The following JAK2 variants were observed in gnomAD, a reference collection of about 807,000 sequenced individuals.
The protein encoded by JAK2 is Janus kinase 2.
A neutral mutation model predicts 139.3 loss-of-function variants in JAK2; 86 were observed. The observed-to-expected ratio is 0.62, with a 90% CI of 0.52 to 0.74. The LOEUF (loss-of-function observed/expected upper bound fraction) is 0.74, where lower values mean the gene tolerates loss of function less well. Ranked by LOEUF, JAK2 falls within the 30% of genes least tolerant of loss-of-function variation. The pLI, the probability that JAK2 is intolerant of heterozygous loss-of-function variation, is 0.00. For synonymous variants in JAK2, 490 were observed against 437.7 expected, an observed-to-expected ratio of 1.12 and a Z score of -1.49; for missense variants, 1,421 against 1,360.3, an observed-to-expected ratio of 1.04 and a Z score of -0.70.
At chr9:5,058,585 G>A (rs1328361107) in intron 8 of JAK2, among the ~76,000 whole-genome samples, 1 of 152,146 alleles carries the variant, frequency 6.6e-6, no homozygotes, top group African/African-American at 2.4e-5. Flanking sequence ...TAGAATTGCT[G>A]GATCATATGG....
intron 8 of JAK2, among the ~76,000 whole-genome samples, chr9:5,063,880 G>A (rs539298307): frequency 1.3e-5 from 2 of 152,190 alleles, no homozygotes; most frequent in Non-Finnish European, 2.9e-5. Context: ...CAATCAGGCC[G>A]GGCATGGTGA....
intron 22 of JAK2, among the ~76,000 whole-genome samples, chr9:5,092,215 G>C (rs1024685347): frequency 4.6e-5 from 7 of 152,120 alleles, no homozygotes; most frequent in Admixed American, 1.3e-4. Context: ...AAATCTAAGG[G>C]CTCAAGGAGG....
Position 5,066,725 on chromosome 9 carries a change from G to A in JAK2, c.1262G>A (p.Gly421Glu). 6.2e-7 allele frequency: 1 copy of A among 1,609,064 alleles called. No individual in the cohort carries two copies. The highest frequency in any genetic ancestry group is 8.5e-7 in the Non-Finnish European group (1 of 1,177,652). ...SKLKKAGNQT[G>E]LYVLRCSPKD... ...CTGAAGAAAGCAGGTAATCAGACTG[G>A]ACTGTATGTACTTCGATGCAGTCCT... Residue 421 changes from glycine (G) to glutamate (E), a missense_variant, in exon 10 of 25, where the codon GGA becomes GAA. Gly to Glu is a moderately conservative substitution (Grantham distance 98, BLOSUM62 -2). Transcript: ENST00000381652.
intron 5 of JAK2, among the ~76,000 whole-genome samples, 170 bp downstream of exon 5, chr9:5,044,690 C>T (rs117661568): frequency 4.6e-3 from 700 of 152,166 alleles, no homozygotes; most frequent in Non-Finnish European, 7.6e-3. Context: ...TTTTTAATCC[C>T]ATGGTTTATG....
intron 19 of JAK2, chr9:5,085,175 A>C (rs1373532687): frequency 1.5e-6 from 1 of 654,038 alleles, no homozygotes; most frequent in Non-Finnish European, 3.0e-6. Context: ...TCTCCCGGCA[A>C]ACTGAACCAT....
chr9:5,051,092 A>G (rs145162472), intron 6 of JAK2, among the ~76,000 whole-genome samples: 2 of 152,320 alleles, frequency 1.3e-5, no homozygotes, highest in African/African-American at 4.8e-5. Context: ...TTGACGTTCA[A>G]AAAGTTCTGG....
At chr9:5,009,916 G>T (rs1476283509) in intron 2 of JAK2, among the ~76,000 whole-genome samples, 2 of 152,042 alleles carry the variant, frequency 1.3e-5, no homozygotes. Context: ...TACTACAGGT[G>T]CACACTACAT....
intron 5 of JAK2, among the ~76,000 whole-genome samples, chr9:5,049,937 AC>A (rs1219151277): frequency 1.3e-5 from 2 of 152,222 alleles, no homozygotes; most frequent in Non-Finnish European, 2.9e-5. Flanking sequence ...TAAAAAAGAT[AC>A]AGTAAAAATG....
chr9:5,069,228 AT>A lies in JAK2; in HGVS notation c.1513+25del. ...CAAAAGGTAAGATAATTTTCTAGTTATTTTTAAATTACTGGTCATGGATTGT... is the reference window on the plus strand; with the variant it reads ...CAAAAGGTAAGATAATTTTCTAGTTATTTTAAATTACTGGTCATGGATTGT... On this transcript the variant is annotated intron_variant, in intron 11 of 24. Transcript: ENST00000381652. The A allele has an allele frequency of 1.3e-6, 2 of 1,528,254 alleles. No homozygotes were observed. The highest frequency in any genetic ancestry group is 1.8e-6 in the Non-Finnish European group (2 of 1,114,390). The allele number at this position is 1,528,254 out of a possible 1,614,324, so 94.7% of individuals were successfully genotyped here.
At chr9:5,005,371 T>C (rs1821229000) in intron 2 of JAK2, among the ~76,000 whole-genome samples, 1 of 152,084 alleles carries the variant, frequency 6.6e-6, no homozygotes, top group Non-Finnish European at 1.5e-5. Flanking sequence ...CTCCTTATCA[T>C]ATGGATGGCT....
At chr9:5,060,920 C>G (rs907329931) in intron 8 of JAK2, among the ~76,000 whole-genome samples, 1 of 152,186 alleles carries the variant, frequency 6.6e-6, no homozygotes, top group Non-Finnish European at 1.5e-5. Context: ...GACCCATGGG[C>G]TACAGAATGG....
At chr9:5,015,522 T>C (rs1027182897) in intron 2 of JAK2, among the ~76,000 whole-genome samples, 1 of 140,164 alleles carries the variant, frequency 7.1e-6, no homozygotes, top group Non-Finnish European at 1.5e-5. Context: ...CATTGTATTC[T>C]TTTTCTTTTT....
intron 2 of JAK2, among the ~76,000 whole-genome samples, chr9:5,001,751 C>G (rs1820940766): frequency 6.6e-6 from 1 of 151,776 alleles, no homozygotes; most frequent in Non-Finnish European, 1.5e-5. Context: ...AGAATTGGTA[C>G]TATTTTTTCC....
intron 18 of JAK2, 117 bp downstream of exon 18, chr9:5,080,800 T>G: frequency 1.6e-6 from 1 of 644,170 alleles, no homozygotes; most frequent in Non-Finnish European, 2.5e-6. Context: ...TGGGCCCTCT[T>G]AATTTCTTAT....
rs770678700 is a variant in JAK2 at position 5,044,360 on chromosome 9, T to G, written c.351-43T>G. ...TATATATAGATAGTACGTTTGTATT[T>G]GAACTATTTGGAAGCTGACCAAATG... On this transcript the variant is annotated intron_variant, in intron 4 of 24. Coordinates refer to ENST00000381652, the MANE Select transcript of JAK2 (RefSeq NM_004972.4). The G allele has an allele frequency of 4.9e-6, 6 of 1,228,680 alleles. No individual in the cohort carries two copies. In the East Asian group the frequency reaches 1.2e-4, roughly 24 times the overall value. The allele number at this position is 1,228,680 out of a possible 1,614,324, so 76.1% of individuals were successfully genotyped here.
chr9:5,031,128 A>G (rs183375999), intron 4 of JAK2, among the ~76,000 whole-genome samples: 34 of 152,328 alleles, frequency 2.2e-4, no homozygotes, highest in African/African-American at 8.2e-4. Context: ...GGAATATTAC[A>G]AAGATCAATT....
At chr9:5,000,904 T>C (rs79461273) in intron 2 of JAK2, among the ~76,000 whole-genome samples, 2,403 of 152,304 alleles carry the variant, frequency 0.016, 69 homozygotes, top group East Asian at 0.13. Flanking sequence ...TCAGGTTCTT[T>C]CCTGTTTCTA....
In JAK2 at chr9:5,042,986, G is replaced by C. The variant is rs562700618; in HGVS notation, c.351-1417G>C. ...CTGTGCTCCGACCCTCAGAAGCTGA[G>C]GGGGGTGGGCCGGCTGGCGTCGCGC... is the stretch of plus-strand genomic sequence containing the variant. On this transcript the variant is annotated intron_variant, in intron 4 of 24. Transcript: ENST00000381652. Among the ~76,000 whole-genome samples, 5 of 152,330 alleles carry C rather than the reference G, an allele frequency of 3.3e-5. No homozygotes were observed. In the South Asian group the frequency reaches 6.2e-4, roughly 19 times the overall value.
intron 6 of JAK2, among the ~76,000 whole-genome samples, chr9:5,053,543 A>G (rs1041914593): frequency 2.6e-5 from 4 of 152,014 alleles, no homozygotes; most frequent in African/African-American, 9.7e-5. Context: ...ATGTGGTTTT[A>G]GCAACATGGA....
Sources: gnomAD v4.1 joint callset for allele counts (sites outside exome capture counted in the v4.1 genomes callset) on GRCh38, gnomAD v4.1.1 for gene constraint, MANE v1.5 for transcripts, NCBI Gene and HGNC (gene_info 2026-07-23, HGNC 2026-07-21) for gene names.